The following HMGB1 variants were observed in gnomAD, a reference collection of about 807,000 sequenced individuals.
HMGB1 encodes high mobility group box 1, also known as high mobility group protein B1.
For synonymous variants in HMGB1, 81 were observed against 84.0 expected (o/e 0.96, Z 0.19); for missense variants, 79 against 253.5 (o/e 0.31, Z 4.67).
chr13:30,524,139 G>A (rs559087148), intron 1 of HMGB1, among the ~76,000 whole-genome samples: 14 of 152,012 alleles, frequency 9.2e-5, no homozygotes, highest in South Asian at 6.2e-4. Flanking sequence ...GTTGAACAAT[G>A]AGAACACATG....
chr13:30,588,880 G>C (rs138935808), intron 1 of HMGB1, among the ~76,000 whole-genome samples: 1 of 151,886 alleles, frequency 6.6e-6, no homozygotes, highest in African/African-American at 2.4e-5. Context: ...TCGCGCCACT[G>C]CACTCCAGCC....
chr13:30,602,331 AC>A (rs1173642354), intron 1 of HMGB1, among the ~76,000 whole-genome samples: 1 of 152,210 alleles, frequency 6.6e-6, no homozygotes, highest in Non-Finnish European at 1.5e-5. Flanking sequence ...GACTACAGCC[AC>A]ATGAACAGAA....
intron 1 of HMGB1, among the ~76,000 whole-genome samples, chr13:30,494,741 G>C (rs959855697): frequency 6.6e-6 from 1 of 152,046 alleles, no homozygotes; most frequent in Admixed American, 6.6e-5. Flanking sequence ...TCCATCTCCA[G>C]AACTTTTTCA....
At chr13:30,574,586 G>C (rs1469787398) in intron 1 of HMGB1, among the ~76,000 whole-genome samples, 3 of 152,142 alleles carry the variant, frequency 2.0e-5, no homozygotes, top group Non-Finnish European at 4.4e-5. Context: ...CTAGGAAATA[G>C]GAAAATAAAG....
At chr13:30,526,208 C>G (rs1888363224) in intron 1 of HMGB1, among the ~76,000 whole-genome samples, 1 of 152,144 alleles carries the variant, frequency 6.6e-6, no homozygotes, top group Admixed American at 6.5e-5. Context: ...AGGCATGCAC[C>G]ACCATGTCTG....
rs1217934467 is a variant in HMGB1 at position 30,538,655 on chromosome 13, CTTT to C, written c.-14-74964_-14-74962del. ...TTTTTCTTTCTTCCTTTCTTTCTTT[CTTT>C]CTTTCCTTTCTTTCTTTCTTTCTTT... On this transcript the variant is annotated intron_variant, in intron 1 of 4. Transcript: ENST00000405805. Among the ~76,000 whole-genome samples the C allele has an allele frequency of 1.0e-3, 45 of 43,810 alleles. 2 individuals are homozygous for C. Among genetic ancestry groups the C allele is most frequent in the African/African-American group, 4.4e-4 (3 of 6,840 alleles). The allele number at this position is 43,810 out of a possible 152,430, so 28.7% of individuals were successfully genotyped here.
At chr13:30,560,732 G>A (rs867308390) in intron 1 of HMGB1, among the ~76,000 whole-genome samples, 27 of 152,194 alleles carry the variant, frequency 1.8e-4, no homozygotes, top group African/African-American at 5.8e-4. Context: ...TTCCCATGGA[G>A]ATAAATTTCT....
At chr13:30,524,455 G>A (rs981854836) in intron 1 of HMGB1, among the ~76,000 whole-genome samples, 1 of 152,014 alleles carries the variant, frequency 6.6e-6, no homozygotes, top group African/African-American at 2.4e-5. Context: ...TACAATCGTG[G>A]TGGACGGTGA....
At chr13:30,605,032 A>G (rs1950442570) in intron 1 of HMGB1, among the ~76,000 whole-genome samples, 1 of 152,236 alleles carries the variant, frequency 6.6e-6, no homozygotes, top group Non-Finnish European at 1.5e-5. Context: ...AATAGGAATC[A>G]GACACCAGGG....
rs1395335397 is a variant in HMGB1 at position 30,465,859 on chromosome 13, A to G, written c.-78T>C. 4.0e-5 allele frequency: 39 copies of G among 985,616 alleles called. No homozygotes were observed. The highest frequency in any genetic ancestry group is 4.6e-5 in the Non-Finnish European group (38 of 829,852). The allele number at this position is 985,616 out of a possible 1,614,324, so 61.1% of individuals were successfully genotyped here. ...TCTCACTTGCCCCGGTGCTGTCTCT[A>G]TGGAGCTCAATGTACTGCAATGGCT... On this transcript the variant is annotated 5_prime_UTR_variant, in exon 1 of 5. Transcript: ENST00000341423.
chr13:30,495,463 CCTTTTCTTTTT>C (rs1284961250), intron 1 of HMGB1, among the ~76,000 whole-genome samples: 5 of 150,240 alleles, frequency 3.3e-5, no homozygotes, highest in East Asian at 2.0e-4. Context: ...TGAATATTTC[CCTTTTCTTTTT>C]CTTTTCTTTT....
chr13:30,488,971 G>A (rs1380538987), intron 1 of HMGB1, among the ~76,000 whole-genome samples: 1 of 152,028 alleles, frequency 6.6e-6, no homozygotes, highest in Non-Finnish European at 1.5e-5. Flanking sequence ...TTAGACAAAA[G>A]GTTAAACATG....
chr13:30,501,835 T>G (rs1887741106), intron 1 of HMGB1, among the ~76,000 whole-genome samples: 1 of 152,200 alleles, frequency 6.6e-6, no homozygotes, highest in Admixed American at 6.6e-5. Flanking sequence ...AATCAGATAA[T>G]GTAAAGGCAA....
chr13:30,547,843 G>C (rs1039149846), intron 1 of HMGB1, among the ~76,000 whole-genome samples: 1 of 152,206 alleles, frequency 6.6e-6, no homozygotes, highest in Admixed American at 6.5e-5. Context: ...GCTTGAACCC[G>C]GGAGGCAGAG....
intron 1 of HMGB1, among the ~76,000 whole-genome samples, chr13:30,519,579 A>G (rs1052339070): frequency 1.1e-4 from 17 of 151,196 alleles, no homozygotes; most frequent in African/African-American, 4.1e-4. Flanking sequence ...GGGCGCCTGT[A>G]GTCCCAGCTA....
chr13:30,558,599 T>C (rs1236637997), intron 1 of HMGB1, among the ~76,000 whole-genome samples: 2 of 152,216 alleles, frequency 1.3e-5, no homozygotes, highest in Non-Finnish European at 2.9e-5. Flanking sequence ...TAATCCTAGT[T>C]GTTAGTGAAA....
chr13:30,592,455 C>T (rs1011252020), intron 1 of HMGB1, among the ~76,000 whole-genome samples: 2 of 152,056 alleles, frequency 1.3e-5, no homozygotes, highest in African/African-American at 4.8e-5. Context: ...ATACCCATTC[C>T]CCTATGTTAT....
At chr13:30,541,539 A>T (rs985633035) in intron 1 of HMGB1, 1 of 152,384 alleles carries the variant, frequency 6.6e-6, no homozygotes, top group African/African-American at 2.4e-5. Context: ...CAAAGGCTGG[A>T]TTCAGGGGCC....
In HMGB1 at chr13:30,559,744, T is replaced by C. The variant is rs1869866496; in HGVS notation, c.-15+56927A>G. ...ATGTATTTCAGCCCAAGTCTCTCCATAACTACTAACAAGGGACTGAGGAGA... is the reference window on the plus strand; with the variant it reads ...ATGTATTTCAGCCCAAGTCTCTCCACAACTACTAACAAGGGACTGAGGAGA... On this transcript the variant is annotated intron_variant, in intron 1 of 4. Coordinates refer to the HMGB1 transcript ENST00000405805. This position sits in a 1 kb window ranked among gnomAD's most constrained non-coding sequence, Gnocchi z 6.6. Among the ~76,000 whole-genome samples, 1 of 152,154 alleles carries C rather than the reference T, an allele frequency of 6.6e-6. No homozygotes were observed. The highest frequency in any genetic ancestry group is 1.5e-5 in the Non-Finnish European group (1 of 68,026).
Sources: allele counts gnomAD v4.1 joint callset (sites outside exome capture counted in the v4.1 genomes callset), GRCh38; gene constraint gnomAD v4.1.1; non-coding constraint Gnocchi (gnomAD v3.1); transcripts MANE v1.5; gene names NCBI Gene and HGNC (gene_info 2026-07-23, HGNC 2026-07-21).